Variants in ATG4B observed in about 807,000 individuals in gnomAD.
The protein encoded by ATG4B is cysteine protease ATG4B.
A neutral mutation model predicts 56.6 loss-of-function variants in ATG4B; 29 were observed. The ratio of observed to expected loss-of-function variants is 0.51; its 90% confidence interval spans 0.38 to 0.70. The LOEUF (loss-of-function observed/expected upper bound fraction) is 0.70, where lower values mean the gene tolerates loss of function less well. Ranked by LOEUF, ATG4B falls within the 30% of genes least tolerant of loss-of-function variation. The pLI is 0.00. For synonymous variants in ATG4B, 224 were observed against 206.1 expected, an observed-to-expected ratio of 1.09 and a Z score of -0.74; for missense variants, 461 against 515.5, an observed-to-expected ratio of 0.89 and a Z score of 1.02.
intron 7 of ATG4B, among the ~76,000 whole-genome samples, chr2:241,666,435 A>G (rs1485045342): frequency 6.6e-6 from 1 of 152,244 alleles, no homozygotes; most frequent in Non-Finnish European, 1.5e-5. Flanking sequence ...TGAATTAAGT[A>G]TGCATAGAAA....
intron 1 of ATG4B, among the ~76,000 whole-genome samples, chr2:241,639,277 A>T (rs2067807691): frequency 6.6e-6 from 1 of 152,196 alleles, no homozygotes; most frequent in African/African-American, 2.4e-5. Flanking sequence ...GTGTCCAGAC[A>T]AGGGGAAGGT....
intron 7 of ATG4B, among the ~76,000 whole-genome samples, chr2:241,662,973 C>T (rs1263457110): frequency 2.0e-5 from 3 of 152,082 alleles, no homozygotes; most frequent in Non-Finnish European, 4.4e-5. Context: ...CGGTGGCTCA[C>T]GCCTATAATC....
chr2:241,663,951 A>T (rs914882839), intron 7 of ATG4B, among the ~76,000 whole-genome samples: 7 of 152,030 alleles, frequency 4.6e-5, no homozygotes, highest in Non-Finnish European at 1.0e-4. Context: ...CTGAGACTAC[A>T]GGTGCATGCC....
At position 241,666,709 on chromosome 2, in the gene ATG4B, G is replaced by A; in HGVS notation, c.603G>A (p.Arg201=). ...CTGCGTTTCCTGCAGATTCCGACCGGCACTGCAACGGATTCCCTGCCGGAG... is the reference window on the plus strand; with the variant it reads ...CTGCGTTTCCTGCAGATTCCGACCGACACTGCAACGGATTCCCTGCCGGAG... The part of the protein sequence containing the change: ...GATAFPADSD[R]HCNGFPAGAE... Residue 201 remains arginine (R), a synonymous_variant, in exon 8 of 13, where the codon CGG becomes CGA. Coordinates refer to ENST00000404914, the MANE Select transcript of ATG4B (RefSeq NM_013325.5). 1.2e-6 allele frequency: 2 copies of A among 1,612,944 alleles called. No homozygotes were observed. The highest frequency in any genetic ancestry group is 8.5e-7 in the Non-Finnish European group (1 of 1,179,502).
chr2:241,671,990 C>G, intron 12 of ATG4B: 1 of 1,420,320 alleles, frequency 7.0e-7, no homozygotes, highest in Non-Finnish European at 9.2e-7. Flanking sequence ...CCTCCTCACC[C>G]TGCCCTGCTC....
rs1443116796 is a variant in ATG4B, at chr2:241,668,342, G to C, written c.811+121G>C. On this transcript the variant is annotated intron_variant, in intron 9 of 12. Coordinates refer to ENST00000404914, the MANE Select transcript of ATG4B (RefSeq NM_013325.5). The surrounding 1 kb of genome is among the most constrained non-coding windows in gnomAD (Gnocchi z 4.2). ...CTGGTGGAAAAGCAGCATGCCCTGG[G>C]GTTCATTTTCAGCCTGGTCGCGGGC... 7.2e-7 allele frequency: 1 copy of C among 1,394,480 alleles called. No homozygotes were observed. The highest frequency in any genetic ancestry group is 1.2e-5 in the South Asian group (1 of 80,354). 86.4% of individuals were successfully genotyped at this position (1,394,480 alleles called of 1,614,324 possible).
At position 241,668,284 on chromosome 2, in the gene ATG4B, A is replaced by C; in HGVS notation, c.811+63A>C. ...GGCCTTTTAAGGGCATTCCATGAGC[A>C]GGTACCACACCCCAGGTGACCACTT... On this transcript the variant is annotated intron_variant, in intron 9 of 12. Coordinates refer to ENST00000404914, the MANE Select transcript of ATG4B (RefSeq NM_013325.5). The surrounding 1 kb of genome is among the most constrained non-coding windows in gnomAD (Gnocchi z 4.2). The C allele has an allele frequency of 6.5e-7, 1 of 1,529,792 alleles. No homozygotes were observed. The highest frequency in any genetic ancestry group is 8.9e-7 in the Non-Finnish European group (1 of 1,127,024). The allele number at this position is 1,529,792 out of a possible 1,614,324, so 94.8% of individuals were successfully genotyped here.
At chr2:241,660,339 C>G (rs977177718) in intron 7 of ATG4B, among the ~76,000 whole-genome samples, 1 of 152,228 alleles carries the variant, frequency 6.6e-6, no homozygotes, top group African/African-American at 2.4e-5. Context: ...CCCTGCCTCT[C>G]CATTCTGTTT....
chr2:241,651,909 G>C lies in ATG4B; in HGVS notation c.184+574G>C. 8 of 1,304,114 alleles carry C rather than the reference G, an allele frequency of 6.1e-6. No homozygotes were observed. The highest frequency in any genetic ancestry group is 8.1e-6 in the Non-Finnish European group (8 of 988,820). The allele number at this position is 1,304,114 out of a possible 1,614,324, so 80.8% of individuals were successfully genotyped here. A position where few individuals can be genotyped will look rare whatever the true frequency, so the allele number is the denominator to read the frequency against. On this transcript the variant is annotated intron_variant, in intron 3 of 12. Coordinates refer to ENST00000404914, the MANE Select transcript of ATG4B (RefSeq NM_013325.5). The surrounding 1 kb of genome is among the most constrained non-coding windows in gnomAD (Gnocchi z 4.1). ...CCATTCATCATTGTTGTATACCCTG[G>C]AGCTGGAAGGAGATGGGGACTGGTT... is the stretch of plus-strand genomic sequence containing the variant.
At chr2:241,650,488 A>G (rs1188198529) in intron 1 of ATG4B, among the ~76,000 whole-genome samples, 3 of 151,662 alleles carry the variant, frequency 2.0e-5, no homozygotes, top group East Asian at 2.0e-4. Context: ...ACACGCTGCC[A>G]TGGTGACATC....
chr2:241,670,764 G>T lies in ATG4B; in HGVS notation c.996G>T (p.Trp332Cys), dbSNP rs1433535734. ...AGACTGAAGATGACTTCAATGATTG[G>T]TGCCAGCAAGTCAAAAAGGTTTGTA... Reference protein sequence around the residue: ...FCKTEDDFNDWCQQVKKLSLL... With the variant: ...FCKTEDDFNDCCQQVKKLSLL... Residue 332 changes from tryptophan (W) to cysteine (C), a missense_variant, in exon 11 of 13, where the codon TGG becomes TGT. Coordinates refer to ENST00000404914, the MANE Select transcript of ATG4B (RefSeq NM_013325.5). 6.2e-7 allele frequency: 1 copy of T among 1,610,446 alleles called. No homozygotes were observed. The highest frequency in any genetic ancestry group is 1.3e-5 in the African/African-American group (1 of 74,856).
chr2:241,669,236 C>T (rs955615690), intron 10 of ATG4B, among the ~76,000 whole-genome samples: 1 of 152,172 alleles, frequency 6.6e-6, no homozygotes, highest in African/African-American at 2.4e-5. Context: ...GACCTGCCTG[C>T]CCTCAAATAT....
At chr2:241,657,082 TCTC>T (rs1201983093) in intron 6 of ATG4B, among the ~76,000 whole-genome samples, 1 of 151,170 alleles carries the variant, frequency 6.6e-6, no homozygotes, top group Admixed American at 6.6e-5. Flanking sequence ...TTCAAGCAGT[TCTC>T]CTGCCTCAGC....
chr2:241,652,132 T>C (rs1259132701), intron 3 of ATG4B: 1 of 369,520 alleles, frequency 2.7e-6, no homozygotes, highest in Non-Finnish European at 5.2e-6. Context: ...CATACGACAG[T>C]GTCTCCTTAG....
chr2:241,670,560 C>T (rs773491025), intron 10 of ATG4B, 166 bp from the exon 11 acceptor site: 29 of 681,326 alleles, frequency 4.3e-5, no homozygotes, highest in Non-Finnish European at 6.8e-5. Context: ...CACAGGGCAC[C>T]CTCGGAGCTC....
intron 1 of ATG4B, among the ~76,000 whole-genome samples, chr2:241,645,101 T>C (rs2068022832): frequency 6.6e-6 from 1 of 152,204 alleles, no homozygotes. Flanking sequence ...CAGCTGGAGC[T>C]GCGAGGGTGT....
chr2:241,656,314 A>G (rs1575073391), intron 6 of ATG4B, among the ~76,000 whole-genome samples: 1 of 151,226 alleles, frequency 6.6e-6, no homozygotes, highest in African/African-American at 2.4e-5. Flanking sequence ...GTCCCACGTC[A>G]CCCCCGTCCC....
intron 3 of ATG4B, among the ~76,000 whole-genome samples, chr2:241,652,792 G>A (rs533610990): frequency 1.3e-5 from 2 of 152,344 alleles, no homozygotes; most frequent in South Asian, 4.1e-4. Context: ...GTCCGTGCCA[G>A]TGCATGGAGA....
At chr2:241,669,504 TTTTG>T (rs199951183) in intron 10 of ATG4B, among the ~76,000 whole-genome samples, 58,394 of 151,634 alleles carry the variant, frequency 0.39, 11,536 homozygotes, top group Middle Eastern at 0.51. Context: ...GGCTCACACT[TTTTG>T]TTTGTTTGTT....
Sources: gnomAD v4.1 joint callset for allele counts (sites outside exome capture counted in the v4.1 genomes callset) on GRCh38, gnomAD v4.1.1 for gene constraint, Gnocchi (gnomAD v3.1) non-coding constraint, MANE v1.5 for transcripts, NCBI Gene and HGNC (gene_info 2026-07-23, HGNC 2026-07-21) for gene names.